The following RNF220 variants were observed in gnomAD, a reference collection of about 807,000 sequenced individuals.
RNF220 encodes the protein E3 ubiquitin-protein ligase RNF220.
In RNF220, 7 loss-of-function variants were observed where a neutral mutation model predicts 67.1. That is an observed-to-expected ratio of 0.10 (90% CI 0.06 to 0.20). The LOEUF is 0.20. RNF220 is among the 10% of genes least tolerant of loss of function. The pLI is 1.00. For missense variants in RNF220, 565 were observed against 740.3 expected (o/e 0.76, Z 2.75); for synonymous variants, 270 against 283.2 (o/e 0.95, Z 0.47).
intron 2 of RNF220, among the ~76,000 whole-genome samples, chr1:44,596,048 G>A (rs1238353063): frequency 1.3e-5 from 2 of 152,202 alleles, no homozygotes; most frequent in Non-Finnish European, 2.9e-5. Context: ...ACGGGCGTGC[G>A]CCGCCATGCC....
At chr1:44,502,511 A>G (rs1384915251) in intron 2 of RNF220, among the ~76,000 whole-genome samples, 1 of 152,224 alleles carries the variant, frequency 6.6e-6, no homozygotes, top group Non-Finnish European at 1.5e-5. Flanking sequence ...GCAAATATTC[A>G]TGCACTAAAT....
intron 2 of RNF220, among the ~76,000 whole-genome samples, chr1:44,535,646 A>G (rs1661162119): frequency 6.6e-6 from 1 of 152,198 alleles, no homozygotes; most frequent in Non-Finnish European, 1.5e-5. Context: ...TGTATTTCCT[A>G]ATACCCACAT....
At chr1:44,449,604 C>T (rs760357156) in intron 2 of RNF220, among the ~76,000 whole-genome samples, 14 of 151,982 alleles carry the variant, frequency 9.2e-5, no homozygotes, top group Non-Finnish European at 1.9e-4. Flanking sequence ...TGTAGAGACA[C>T]GGTTTTGTCA....
At chr1:44,574,629 A>G (rs1172235584) in intron 2 of RNF220, among the ~76,000 whole-genome samples, 1 of 152,200 alleles carries the variant, frequency 6.6e-6, no homozygotes, top group African/African-American at 2.4e-5. Flanking sequence ...AAGAGAGAGC[A>G]CCCAGGTCAG....
chr1:44,448,538 A>G (rs1356698488), intron 2 of RNF220, among the ~76,000 whole-genome samples: 1 of 152,244 alleles, frequency 6.6e-6, no homozygotes, highest in Non-Finnish European at 1.5e-5. Context: ...CCTTGATGAC[A>G]CTGATGAAAA....
At chr1:44,602,670 T>C (rs1422620774) in intron 2 of RNF220, among the ~76,000 whole-genome samples, 1 of 151,916 alleles carries the variant, frequency 6.6e-6, no homozygotes, top group Non-Finnish European at 1.5e-5. Flanking sequence ...CACACACACA[T>C]ACCGCTCATC....
chr1:44,644,936 G>T, intron 9 of RNF220, 59 bp from the exon 10 acceptor site: 1 of 1,595,168 alleles, frequency 6.3e-7, no homozygotes, highest in Non-Finnish European at 8.6e-7. Flanking sequence ...CTCTCCTGAG[G>T]ATTCAACCCT....
At chr1:44,480,334 G>A (rs551818458) in intron 2 of RNF220, among the ~76,000 whole-genome samples, 11 of 152,290 alleles carry the variant, frequency 7.2e-5, no homozygotes, top group African/African-American at 2.4e-4. Flanking sequence ...TTGAGCCTGG[G>A]ACGTAAAGGC....
At chr1:44,501,824 C>T (rs1292994230) in intron 2 of RNF220, among the ~76,000 whole-genome samples, 1 of 152,028 alleles carries the variant, frequency 6.6e-6, no homozygotes, top group African/African-American at 2.4e-5. Context: ...GCTGTTTTCT[C>T]CGCTCTTACC....
At chr1:44,436,654 G>A (rs1019046196) in intron 2 of RNF220, among the ~76,000 whole-genome samples, 1 of 152,140 alleles carries the variant, frequency 6.6e-6, no homozygotes, top group African/African-American at 2.4e-5. Context: ...AAAAGACTTC[G>A]AAGTCTTTTC....
chr1:44,539,601 G>A (rs1356065275), intron 2 of RNF220, among the ~76,000 whole-genome samples: 1 of 152,156 alleles, frequency 6.6e-6, no homozygotes, highest in Non-Finnish European at 1.5e-5. Flanking sequence ...GAGCCAACAG[G>A]AACTAGTGAG....
intron 2 of RNF220, among the ~76,000 whole-genome samples, chr1:44,485,057 A>G (rs1486825008): frequency 6.6e-6 from 1 of 152,062 alleles, no homozygotes; most frequent in African/African-American, 2.4e-5. Context: ...AATCACTTGA[A>G]CCCGGGAGGC....
At chr1:44,615,901 T>C (rs1200971547) in intron 3 of RNF220, among the ~76,000 whole-genome samples, 3 of 152,194 alleles carry the variant, frequency 2.0e-5, no homozygotes, top group South Asian at 2.1e-4. Flanking sequence ...TGGTTGTGGG[T>C]AGTAGTGGCT....
intron 2 of RNF220, among the ~76,000 whole-genome samples, chr1:44,612,178 G>A (rs1643339228): frequency 6.6e-6 from 1 of 152,230 alleles, no homozygotes; most frequent in Non-Finnish European, 1.5e-5. Context: ...GGCTGGAGCT[G>A]CTGTCCCAGC....
chr1:44,406,868 C>G (rs1647389715), intron 1 of RNF220, among the ~76,000 whole-genome samples: 1 of 152,258 alleles, frequency 6.6e-6, no homozygotes, highest in East Asian at 1.9e-4. Flanking sequence ...CGGTTCATCC[C>G]CCAGTCCAGG....
intron 3 of RNF220, among the ~76,000 whole-genome samples, chr1:44,615,260 T>C (rs459160): frequency 0.043 from 6,559 of 152,262 alleles, 223 homozygotes; most frequent in East Asian, 0.15. Flanking sequence ...TCACCTTTTA[T>C]AACCTAGCCT....
chr1:44,582,021 G>T (rs1665317938), intron 2 of RNF220, among the ~76,000 whole-genome samples: 1 of 152,128 alleles, frequency 6.6e-6, no homozygotes, highest in African/African-American at 2.4e-5. Context: ...ACTCACCTTG[G>T]GAAGTTACTT....
chr1:44,515,530 A>G (rs1049559942), intron 2 of RNF220, among the ~76,000 whole-genome samples: 11 of 152,214 alleles, frequency 7.2e-5, no homozygotes, highest in African/African-American at 2.4e-4. Flanking sequence ...AGAACCATTT[A>G]TTTGTCCCAA....
At chr1:44,631,398 T>G (rs1202891990) in intron 5 of RNF220, among the ~76,000 whole-genome samples, 1 of 152,190 alleles carries the variant, frequency 6.6e-6, no homozygotes, top group East Asian at 1.9e-4. Context: ...ACTCTCAACT[T>G]TCTTCTGTGG....
Sources: gnomAD v4.1 joint callset for allele counts (sites outside exome capture counted in the v4.1 genomes callset) on GRCh38, gnomAD v4.1.1 for gene constraint, MANE v1.5 for transcripts, NCBI Gene and HGNC (gene_info 2026-07-23, HGNC 2026-07-21) for gene names.